The following ZP4 variants were observed in gnomAD, a reference collection of about 807,000 sequenced individuals.
The protein encoded by ZP4 is zona pellucida sperm-binding protein 4.
A neutral mutation model predicts 62.3 loss-of-function variants in ZP4; 62 were observed. The observed-to-expected ratio is 0.99, with a 90% CI of 0.81 to 1.23. The LOEUF (loss-of-function observed/expected upper bound fraction) is 1.23. Among genes scored for constraint, ZP4 ranks in the 50% most tolerant of loss-of-function variants. ZP4 has a pLI of 0.00. For missense variants in ZP4, 774 were observed against 656.0 expected (o/e 1.18, Z -1.97); for synonymous variants, 289 against 247.3 (o/e 1.17, Z -1.58).
chr1:237,886,798 C>A lies in ZP4; in HGVS notation c.812G>T (p.Gly271Val), dbSNP rs374697963. The part of the protein sequence containing the change: ...ATRDVKNGSR[G>V]SVTRDSIFRL... ...GAAGATGCTGTCACGAGTGACAGAGCCACGGCTCCCATTTTTCACATCCCT... is the reference window on the plus strand; with the variant it reads ...GAAGATGCTGTCACGAGTGACAGAGACACGGCTCCCATTTTTCACATCCCT... Residue 271 changes from glycine (G) to valine (V), a missense_variant, in exon 6 of 12, where the codon GGC (glycine) becomes GTC (valine). By Grantham distance (109) the Gly-to-Val change is moderately radical. Coordinates refer to ENST00000366570, the MANE Select transcript of ZP4 (RefSeq NM_021186.5). 154 of 1,613,858 alleles carry A rather than the reference C, an allele frequency of 9.5e-5. No homozygotes were observed. Among genetic ancestry groups the A allele is most frequent in the Middle Eastern group, 1.6e-4 (1 of 6,078 alleles).
In ZP4 at chr1:237,887,475, G is replaced by A. The variant is rs769745771; in HGVS notation, c.640C>T (p.Arg214Cys). Reference protein sequence around the residue: ...TSPPLLLDSVRLALRNDSACN... With the variant: ...TSPPLLLDSVCLALRNDSACN... ...GCACTGTCATTCCTAAGGGCCAAGC[G>A]CACAGAATCCAAGAGCAGTGGTGGC... The change falls in exon 5 of 12, where the codon CGC (arginine) becomes TGC (cysteine). Residue 214 changes from arginine (R) to cysteine (C), a missense_variant. By Grantham distance (180) the Arg-to-Cys change is radical. Transcript: ENST00000366570. 5.7e-5 allele frequency: 92 copies of A among 1,614,160 alleles called. No homozygotes were observed. The East Asian group carries it at 9.8e-4, about 17-fold the overall frequency.
intron 5 of ZP4, 37 bp downstream of exon 5, chr1:237,887,337 C>A: frequency 6.2e-7 from 1 of 1,603,734 alleles, no homozygotes; most frequent in Non-Finnish European, 8.5e-7. Flanking sequence ...CCTTCCCACC[C>A]AACTTCCAGA....
chr1:237,885,652 T>G (rs1665083751), intron 7 of ZP4, 72 bp from the exon 8 acceptor site: 1 of 1,594,662 alleles, frequency 6.3e-7, no homozygotes, highest in Non-Finnish European at 8.5e-7. Context: ...CCCCTTTAAA[T>G]AGCCCCAAGC....
intron 10 of ZP4, among the ~76,000 whole-genome samples, chr1:237,883,281 A>G (rs1055822213): frequency 6.6e-6 from 1 of 152,010 alleles, no homozygotes; most frequent in Non-Finnish European, 1.5e-5. Flanking sequence ...TCTGTATCCT[A>G]TGTTTTATTA....
chr1:237,886,791 G>A lies in ZP4; in HGVS notation c.819C>T (p.Val273=). The part of the protein sequence containing the change: ...RDVKNGSRGS[V]TRDSIFRLHV... The stretch of plus-strand genomic sequence containing the variant: ...CTTACCTGAAGATGCTGTCACGAGT[G>A]ACAGAGCCACGGCTCCCATTTTTCA... Residue 273 remains valine (V), a synonymous_variant, in exon 6 of 12, where the codon GTC becomes GTT. Transcript: ENST00000366570. 6.2e-7 allele frequency: 1 copy of A among 1,614,038 alleles called. No individual in the cohort carries two copies. Among genetic ancestry groups the A allele is most frequent in the African/African-American group, 1.3e-5 (1 of 75,036 alleles).
intron 3 of ZP4, among the ~76,000 whole-genome samples, chr1:237,889,123 G>C (rs941763020): frequency 6.6e-6 from 1 of 152,060 alleles, no homozygotes; most frequent in South Asian, 2.1e-4. Context: ...GGAAGACCTG[G>C]GTCCTAGTCT....
At chr1:237,890,341 C>T (rs1290278207) in intron 1 of ZP4, 120 bp downstream of exon 1, 7 of 1,482,234 alleles carry the variant, frequency 4.7e-6, no homozygotes, top group Non-Finnish European at 6.4e-6. Context: ...ATTTCTTTTG[C>T]AGAAAGATGC....
intron 1 of ZP4, 91 bp from the exon 2 acceptor site, chr1:237,890,267 A>T: frequency 6.3e-7 from 1 of 1,585,786 alleles, no homozygotes; most frequent in Non-Finnish European, 8.6e-7. Context: ...CCCAAGGAGC[A>T]ACTGTCAATA....
chr1:237,885,944 T>A lies in ZP4; in HGVS notation c.840-58A>T, dbSNP rs536967392. On this transcript the variant is annotated intron_variant, in intron 6 of 11. Coordinates refer to ENST00000366570, the MANE Select transcript of ZP4 (RefSeq NM_021186.5). ...GTGGGAAGTGGGTGTCAGTTACACA[T>A]CCTTTCTTTTTAACTCAAGGAAAGC... 1.2e-4 allele frequency: 191 copies of A among 1,603,016 alleles called. 1 individual carries two copies. In the South Asian group the frequency reaches 2.0e-3, roughly 17 times the overall value.
At chr1:237,884,901 T>G in intron 9 of ZP4, 54 bp from the exon 10 acceptor site, 10 of 1,563,330 alleles carry the variant, frequency 6.4e-6, no homozygotes, top group Non-Finnish European at 8.8e-6. Flanking sequence ...CATGTATCTC[T>G]AAACCTGCTT....
At chr1:237,884,011 C>CACAA in intron 10 of ZP4, among the ~76,000 whole-genome samples, 1 of 83,590 alleles carries the variant, frequency 1.2e-5, no homozygotes, top group Middle Eastern at 6.0e-3. Flanking sequence ...CACACACACA[C>CACAA]ACACAAACAC....
In ZP4 at chr1:237,889,239, G is replaced by A. The variant is rs542198191; in HGVS notation, c.400+628C>T. ...GGGTGAAAAGCTCCTGGTTCTGGGA[G>A]AGTTCTTTGAATCCCAGCTCAGTCA... is the stretch of plus-strand genomic sequence containing the variant. On this transcript the variant is annotated intron_variant, in intron 3 of 11. Transcript: ENST00000366570. Among the ~76,000 whole-genome samples the A allele has an allele frequency of 7.2e-5, 11 of 152,048 alleles. No homozygotes were observed. The South Asian group carries it at 2.1e-3, about 29-fold the overall frequency.
chr1:237,887,313 A>G lies in ZP4; in HGVS notation c.741+61T>C, dbSNP rs1020842113. On this transcript the variant is annotated intron_variant, in intron 5 of 11. Coordinates refer to ENST00000366570, the MANE Select transcript of ZP4 (RefSeq NM_021186.5). ...GGCCAACATATTTCAGCTCTCCCCCACTAGTCACTACAACCTTCCCACCCA... is the reference window on the plus strand; with the variant it reads ...GGCCAACATATTTCAGCTCTCCCCCGCTAGTCACTACAACCTTCCCACCCA... 3.2e-6 allele frequency: 5 copies of G among 1,571,056 alleles called. No homozygotes were observed. In the African/African-American group the frequency reaches 4.1e-5, roughly 13 times the overall value.
At position 237,887,539 on chromosome 1, in the gene ZP4, C is replaced by T; in HGVS notation, c.576G>A (p.Glu192=). The T allele has an allele frequency of 6.2e-7, 1 of 1,614,040 alleles. No individual in the cohort carries two copies. The highest frequency in any genetic ancestry group is 8.5e-7 in the Non-Finnish European group (1 of 1,179,976). ...GAGACACAGCAATAGAGAAATGGCCCTCTCGGGTACAATGCAAGGTCACTG... is the reference window on the plus strand; with the variant it reads ...GAGACACAGCAATAGAGAAATGGCCTTCTCGGGTACAATGCAAGGTCACTG... ...GNTVTLHCTR[E]GHFSIAVSRN... is the part of the protein sequence containing the mutation. Residue 192 remains glutamate (E), a synonymous_variant, in exon 5 of 12, where the codon GAG becomes GAA. Transcript: ENST00000366570.
At position 237,886,870 on chromosome 1, in the gene ZP4, T is replaced by C; in HGVS notation, c.742-2A>G. ...ATATACTGCTCGGTCTCCAGTGATC[T>C]ACAGGAATAGATGGAGAAGTCTTGA... On this transcript the variant is annotated splice_acceptor_variant, in intron 5 of 11. Coordinates refer to ENST00000366570, the MANE Select transcript of ZP4 (RefSeq NM_021186.5). LOFTEE classifies it high-confidence loss of function. 6.2e-7 allele frequency: 1 copy of C among 1,611,956 alleles called. No individual in the cohort carries two copies. The highest frequency in any genetic ancestry group is 8.5e-7 in the Non-Finnish European group (1 of 1,178,140).
At chr1:237,883,018 G>A (rs1571929211) in intron 10 of ZP4, among the ~76,000 whole-genome samples, 172 bp from the exon 11 acceptor site, 1 of 152,112 alleles carries the variant, frequency 6.6e-6, no homozygotes, top group East Asian at 1.9e-4. Context: ...TATATCTGAT[G>A]CCATTACCTT....
chr1:237,888,720 CCTG>C (rs1433328379), intron 3 of ZP4, among the ~76,000 whole-genome samples: 2 of 152,024 alleles, frequency 1.3e-5, no homozygotes, highest in Non-Finnish European at 2.9e-5. Context: ...GTAAGAGTGC[CCTG>C]CTATTAGTTT....
chr1:237,886,972 A>G, intron 5 of ZP4, 104 bp from the exon 6 acceptor site: 7 of 969,700 alleles, frequency 7.2e-6, no homozygotes, highest in Non-Finnish European at 1.1e-5. Flanking sequence ...TGTATGGTAT[A>G]TTTCCTATTA....
At position 237,890,619 on chromosome 1, in the gene ZP4, C is replaced by T. The variant is rs772883969; in HGVS notation, c.17G>A (p.Cys6Tyr). 3 of 1,613,306 alleles carry T rather than the reference C, an allele frequency of 1.9e-6. No homozygotes were observed. In the East Asian group the frequency reaches 6.7e-5, roughly 36 times the overall value. Residue 6 changes from cysteine (C) to tyrosine (Y), a missense_variant, in exon 1 of 12, where the codon TGC becomes TAC. Coordinates refer to ENST00000366570, the MANE Select transcript of ZP4 (RefSeq NM_021186.5). The stretch of plus-strand genomic sequence containing the variant: ...AGATAATGAAACACACAGCAAAACG[C>T]ACCGCAGCAGCCACATAATGCTACC... Reference protein sequence around the residue: MWLLRCVLLCVSLSLA... With the variant: MWLLRYVLLCVSLSLA...
Sources: allele counts gnomAD v4.1 joint callset (sites outside exome capture counted in the v4.1 genomes callset), GRCh38; gene constraint gnomAD v4.1.1; transcripts MANE v1.5; gene names NCBI Gene and HGNC (gene_info 2026-07-23, HGNC 2026-07-21).